Variants in NT5DC2 observed in about 807,000 individuals in gnomAD.
NT5DC2 encodes 5'-nucleotidase domain containing 2.
NT5DC2 carries 41 observed loss-of-function variants against 70.0 expected under a neutral mutation model. The observed-to-expected ratio is 0.59, with a 90% CI of 0.46 to 0.76. The LOEUF is 0.76. NT5DC2 is among the 30% of genes least tolerant of loss of function. The probability of loss-of-function intolerance (pLI) is 0.00; values close to 1 mark genes in which losing one functional copy is unlikely to be tolerated. For synonymous variants in NT5DC2, 299 were observed against 310.4 expected (o/e 0.96, Z 0.39); for missense variants, 705 against 783.2 (o/e 0.90, Z 1.19).
chr3:52,533,610 C>G lies in NT5DC2; in HGVS notation c.128G>C (p.Cys43Ser). The G allele has an allele frequency of 1.6e-6, 2 of 1,241,092 alleles. No individual in the cohort carries two copies. Among genetic ancestry groups the G allele is most frequent in the South Asian group, 6.3e-5 (2 of 31,848 alleles). The allele number at this position is 1,241,092 out of a possible 1,614,324, so 76.9% of individuals were successfully genotyped here. A position where few individuals can be genotyped will look rare whatever the true frequency, so the allele number is the denominator to read the frequency against. ...GGGCGCGGAGCGCGGGACGCCGGGG[C>G]AGTGGGCGCCGGGACCCGGGGGGCC... The part of the protein sequence containing the change: ...GCGPPGPGAH[C>S]PGVPRSAPAQ... The change falls in exon 1 of 14, where the codon TGC becomes TCC. Residue 43 changes from cysteine (C) to serine (S), a missense_variant. By Grantham distance (112) the Cys-to-Ser change is moderately radical. Coordinates refer to ENST00000422318, the MANE Select transcript of NT5DC2 (RefSeq NM_001134231.2).
chr3:52,529,033 CAGCTGCCAGGCAAGAGGGCCAGGGG>C lies in NT5DC2; in HGVS notation c.417+92_418-99del. On this transcript the variant is annotated intron_variant, in intron 2 of 13. Coordinates refer to ENST00000422318, the MANE Select transcript of NT5DC2 (RefSeq NM_001134231.2). The surrounding 1 kb of genome is among the most constrained non-coding windows in gnomAD (Gnocchi z 4.1). The stretch of plus-strand genomic sequence containing the variant: ...GGTCAATCCAGCCACCTGCCCAGGG[CAGCTGCCAGGCAAGAGGGCCAGGGG>C]AGCCCCACGACTCAGCCCTGAGCTT... 6.3e-7 allele frequency: 1 copy of C among 1,585,374 alleles called. No individual in the cohort carries two copies. Among genetic ancestry groups the C allele is most frequent in the South Asian group, 1.1e-5 (1 of 90,186 alleles).
rs186169025 is a variant in NT5DC2, at chr3:52,531,140, A to C, written c.233-1806T>G. On this transcript the variant is annotated intron_variant, in intron 1 of 13. Coordinates refer to ENST00000422318, the MANE Select transcript of NT5DC2 (RefSeq NM_001134231.2). The surrounding 1 kb of genome is among the most constrained non-coding windows in gnomAD (Gnocchi z 4.1). Reference sequence around the variant, plus strand: ...TGCCTCAGAGGCACTCTGGGGACACAGGGCTCCATTCCCACCCCTTTCCTT... The same window carrying C: ...TGCCTCAGAGGCACTCTGGGGACACCGGGCTCCATTCCCACCCCTTTCCTT... Among the ~76,000 whole-genome samples the C allele has an allele frequency of 1.3e-5, 2 of 152,340 alleles. No homozygotes were observed. Among genetic ancestry groups the C allele is most frequent in the African/African-American group, 4.8e-5 (2 of 41,588 alleles).
At chr3:52,525,528 C>A (rs558006268) in intron 10 of NT5DC2, 3 of 552,344 alleles carry the variant, frequency 5.4e-6, no homozygotes, top group Non-Finnish European at 3.3e-6. Context: ...GCCCATGCCT[C>A]GAGGGCCTTC....
At position 52,528,320 on chromosome 3, in the gene NT5DC2, G is replaced by T; in HGVS notation, c.643-9C>A. 1.2e-6 allele frequency: 2 copies of T among 1,613,202 alleles called. No individual in the cohort carries two copies. Among genetic ancestry groups the T allele is most frequent in the South Asian group, 2.2e-5 (2 of 91,042 alleles). ...TGCTTAATGGAGGGACCCTGGGGAG[G>T]GGGCCATTGTCTCAGACACCCTTTG... On this transcript the variant is annotated splice_polypyrimidine_tract_variant and intron_variant, in intron 5 of 13. Transcript: ENST00000422318.
chr3:52,528,574 G>C, intron 4 of NT5DC2, 35 bp from the exon 5 acceptor site: 1 of 1,545,296 alleles, frequency 6.5e-7, no homozygotes, highest in Non-Finnish European at 8.9e-7. Flanking sequence ...GTCCAAGGTA[G>C]TCCTGAGCCA....
chr3:52,526,655 T>C (rs1453378871), intron 10 of NT5DC2, among the ~76,000 whole-genome samples: 1 of 152,192 alleles, frequency 6.6e-6, no homozygotes, highest in Non-Finnish European at 1.5e-5. Flanking sequence ...CATTTCACGA[T>C]CTCTGACCAT....
intron 1 of NT5DC2, among the ~76,000 whole-genome samples, chr3:52,533,163 G>T (rs919027506): frequency 6.6e-6 from 1 of 152,120 alleles, no homozygotes; most frequent in African/African-American, 2.4e-5. Flanking sequence ...GGTTGGCCGA[G>T]AACAAGGGGT....
rs766621383 is a variant in NT5DC2 at position 52,528,953 on chromosome 3, C to T, written c.418-18G>A. 1 of 1,613,578 alleles carries T rather than the reference C, an allele frequency of 6.2e-7. No homozygotes were observed. The highest frequency in any genetic ancestry group is 1.3e-5 in the African/African-American group (1 of 74,920). On this transcript the variant is annotated intron_variant, in intron 2 of 13. Transcript: ENST00000422318. Reference sequence around the variant, plus strand: ...TCTGGGTACTGCCGGGGGAAAGGGGCCAGGCCTAAGCCAATAGCCCTGCCA... The same window carrying T: ...TCTGGGTACTGCCGGGGGAAAGGGGTCAGGCCTAAGCCAATAGCCCTGCCA...
At position 52,528,548 on chromosome 3, in the gene NT5DC2, G is replaced by T; in HGVS notation, c.549-9C>A. On this transcript the variant is annotated splice_polypyrimidine_tract_variant and intron_variant, in intron 4 of 13. Coordinates refer to ENST00000422318, the MANE Select transcript of NT5DC2 (RefSeq NM_001134231.2). The stretch of plus-strand genomic sequence containing the variant: ...GCACAGGCTGGAGGCCCCTGAGCAG[G>T]CCCAAGATACCATCAGTCCAAGGTA... 1 of 1,392,908 alleles carries T rather than the reference G, an allele frequency of 7.2e-7. No homozygotes were observed. The highest frequency in any genetic ancestry group is 2.0e-4 in the Middle Eastern group (1 of 4,964). The allele number at this position is 1,392,908 out of a possible 1,614,324, so 86.3% of individuals were successfully genotyped here. A position where few individuals can be genotyped will look rare whatever the true frequency, so the allele number is the denominator to read the frequency against.
rs1448277524 is a variant in NT5DC2, at chr3:52,531,260, A to G, written c.233-1926T>C. ...GCTCCGAAGATCTGTGGGTGTAGAC[A>G]GGAGTCTTCACTTGGATGCAAGTGA... On this transcript the variant is annotated intron_variant, in intron 1 of 13. Transcript: ENST00000422318. This position sits in a 1 kb window ranked among gnomAD's most constrained non-coding sequence, Gnocchi z 4.1. 6.6e-6 allele frequency among the ~76,000 whole-genome samples: 1 copy of G among 152,142 alleles called. No homozygotes were observed.
chr3:52,528,822 G>C, intron 3 of NT5DC2, 39 bp downstream of exon 3: 1 of 1,607,272 alleles, frequency 6.2e-7, no homozygotes, highest in East Asian at 2.2e-5. Context: ...ACCAAGAGGA[G>C]GCCAAGGAGG....
At chr3:52,534,695 A>G, upstream of NT5DC2, 1 of 1,574,052 alleles carries the variant, frequency 6.4e-7, no homozygotes. Context: ...CACGCATACC[A>G]GGCTGTGCTC....
At chr3:52,525,155 G>GC (rs2079235251) in intron 11 of NT5DC2, 52 bp from the exon 12 acceptor site, 2 of 369,894 alleles carry the variant, frequency 5.4e-6, no homozygotes, top group South Asian at 3.2e-5. Context: ...TGGGGGCGGG[G>GC]GGGGGGGGGT....
Position 52,529,361 on chromosome 3 carries a change from G to T in NT5DC2, c.233-27C>A, listed in dbSNP as rs2079329269. ...TAGAGGAAGGAGATGCAGGGAGGCA[G>T]TGATGGGGATGATGATCCCTGCAGC... On this transcript the variant is annotated intron_variant, in intron 1 of 13. Transcript: ENST00000422318. The surrounding 1 kb of genome is among the most constrained non-coding windows in gnomAD (Gnocchi z 4.1). The T allele has an allele frequency of 1.2e-6, 2 of 1,606,780 alleles. No homozygotes were observed. Among genetic ancestry groups the T allele is most frequent in the South Asian group, 1.1e-5 (1 of 90,640 alleles).
intron 1 of NT5DC2, among the ~76,000 whole-genome samples, chr3:52,530,610 G>A (rs1323402097): frequency 3.3e-5 from 5 of 152,126 alleles, no homozygotes; most frequent in African/African-American, 1.2e-4. Flanking sequence ...TGCTACTCAG[G>A]AGGCTGAGGC....
chr3:52,524,427 G>A lies in NT5DC2; in HGVS notation c.*43C>T. ...TTTTATTGCTTGTCTGGGTGGATGGGGCAGGAGGGGCTGAGGGCCTGTCCC... is the reference window on the plus strand; with the variant it reads ...TTTTATTGCTTGTCTGGGTGGATGGAGCAGGAGGGGCTGAGGGCCTGTCCC... On this transcript the variant is annotated 3_prime_UTR_variant, in exon 14 of 14. Transcript: ENST00000422318. 6.2e-7 allele frequency: 1 copy of A among 1,612,176 alleles called. No homozygotes were observed. The highest frequency in any genetic ancestry group is 8.5e-7 in the Non-Finnish European group (1 of 1,179,330).
chr3:52,528,107 G>A (rs757906160), intron 6 of NT5DC2, 34 bp from the exon 7 acceptor site: 2 of 1,612,908 alleles, frequency 1.2e-6, no homozygotes, highest in South Asian at 2.2e-5. Flanking sequence ...GGGTACAGCA[G>A]GGCCCAGGTG....
Position 52,528,178 on chromosome 3 carries a change from C to T in NT5DC2, c.771+5G>A. The T allele has an allele frequency of 3.1e-6, 5 of 1,613,136 alleles. No individual in the cohort carries two copies. The highest frequency in any genetic ancestry group is 4.2e-6 in the Non-Finnish European group (5 of 1,180,036). ...GCCATCCGAGGGCAGGCCCAGCATCCTCACCGTCACGTCCTTGTAGAGATG... is the reference window on the plus strand; with the variant it reads ...GCCATCCGAGGGCAGGCCCAGCATCTTCACCGTCACGTCCTTGTAGAGATG... On this transcript the variant is annotated splice_donor_5th_base_variant and intron_variant, in intron 6 of 13. Coordinates refer to ENST00000422318, the MANE Select transcript of NT5DC2 (RefSeq NM_001134231.2).
chr3:52,528,624 A>G lies in NT5DC2; in HGVS notation c.548+13T>C. Reference sequence around the variant, plus strand: ...GGTGGGGCGGGGGTGGGGTTGGGGCAGAGCCGACTGACCTGTAGGCTGTCC... The same window carrying G: ...GGTGGGGCGGGGGTGGGGTTGGGGCGGAGCCGACTGACCTGTAGGCTGTCC... On this transcript the variant is annotated intron_variant, in intron 4 of 13. Transcript: ENST00000422318. The G allele has an allele frequency of 6.3e-7, 1 of 1,576,518 alleles. No homozygotes were observed. The highest frequency in any genetic ancestry group is 1.2e-5 in the South Asian group (1 of 86,432).
Sources: allele counts gnomAD v4.1 joint callset (sites outside exome capture counted in the v4.1 genomes callset), GRCh38; gene constraint gnomAD v4.1.1; non-coding constraint Gnocchi (gnomAD v3.1); transcripts MANE v1.5; gene names NCBI Gene and HGNC (gene_info 2026-07-23, HGNC 2026-07-21).